Variants in ULK4 observed in about 807,000 individuals in gnomAD.
ULK4 encodes the protein unc-51 like kinase 4, also known as inactive serine/threonine-protein kinase ULK4.
In ULK4, 133 loss-of-function variants were observed where a neutral mutation model predicts 160.6. The ratio of observed to expected loss-of-function variants is 0.83; its 90% CI spans 0.72 to 0.96. The LOEUF (loss-of-function observed/expected upper bound fraction) is 0.96. ULK4 is among the 40% of genes least tolerant of loss of function. The pLI, the probability that ULK4 is intolerant of heterozygous loss-of-function variation, is 0.00. For missense variants in ULK4, 1,580 were observed against 1,499.5 expected, an observed-to-expected ratio of 1.05 and a Z score of -0.89; for synonymous variants, 534 against 539.8, an observed-to-expected ratio of 0.99 and a Z score of 0.15.
At chr3:41,848,177 A>T (rs2042117595) in intron 17 of ULK4, among the ~76,000 whole-genome samples, 1 of 152,224 alleles carries the variant, frequency 6.6e-6, no homozygotes, top group Admixed American at 6.5e-5. Context: ...GTTAAGGCCT[A>T]AATGTAAACA....
chr3:41,549,295 T>C (rs1308500848), intron 32 of ULK4, among the ~76,000 whole-genome samples: 2 of 150,224 alleles, frequency 1.3e-5, no homozygotes, highest in Non-Finnish European at 1.5e-5. Context: ...ACAAAACAAA[T>C]AGAAAAACAA....
At chr3:41,847,259 C>G (rs1424779822) in intron 17 of ULK4, among the ~76,000 whole-genome samples, 2 of 152,110 alleles carry the variant, frequency 1.3e-5, no homozygotes, top group Admixed American at 1.3e-4. Flanking sequence ...GAAGCTAATT[C>G]TAATAAATGT....
At chr3:41,338,037 A>C (rs1345496383) in intron 35 of ULK4, among the ~76,000 whole-genome samples, 7 of 152,206 alleles carry the variant, frequency 4.6e-5, no homozygotes, top group African/African-American at 1.7e-4. Flanking sequence ...GGAACAAAGC[A>C]ATTTCTTTGC....
chr3:41,688,677 A>T (rs772675729), intron 27 of ULK4, among the ~76,000 whole-genome samples: 4 of 152,184 alleles, frequency 2.6e-5, no homozygotes, highest in Non-Finnish European at 5.9e-5. Context: ...TCGAGTTTCA[A>T]ATAAAACCGT....
chr3:41,620,628 C>A (rs757478041), intron 30 of ULK4, among the ~76,000 whole-genome samples: 1 of 151,916 alleles, frequency 6.6e-6, no homozygotes, highest in Non-Finnish European at 1.5e-5. Flanking sequence ...AAATAATAAG[C>A]GCTATGTATG....
At position 41,644,126 on chromosome 3, in the gene ULK4, T is replaced by A. The variant is rs143443897; in HGVS notation, c.3071+19481A>T. On this transcript the variant is annotated intron_variant, in intron 30 of 36. Coordinates refer to ENST00000301831, the MANE Select transcript of ULK4 (RefSeq NM_017886.4). The stretch of plus-strand genomic sequence containing the variant: ...ATGGGGCTTTCTAGATACACAATCA[T>A]GTCGTCTGCAAACAGGGACAATTTG... Among the ~76,000 whole-genome samples the A allele has an allele frequency of 5.1e-3, 781 of 152,330 alleles. 5 individuals are homozygous for A. Among genetic ancestry groups the A allele is most frequent in the African/African-American group, 0.018 (751 of 41,556 alleles).
rs1716671 is a variant in ULK4 at position 41,869,774 on chromosome 3, A to C, written c.1656+14100T>G. ...CCTTAATAGATTTAACAAGTTATGA[A>C]AAATTGTTTATTTTCCAACATATTT... On this transcript the variant is annotated intron_variant, in intron 17 of 36. Coordinates refer to ENST00000301831, the MANE Select transcript of ULK4 (RefSeq NM_017886.4). 2.2e-4 allele frequency among the ~76,000 whole-genome samples: 34 copies of C among 152,214 alleles called. No individual in the cohort carries two copies. In the East Asian group the frequency reaches 6.6e-3, roughly 29 times the overall value.
chr3:41,540,243 G>A (rs1282478577), intron 32 of ULK4, among the ~76,000 whole-genome samples: 2 of 151,590 alleles, frequency 1.3e-5, no homozygotes, highest in Non-Finnish European at 2.9e-5. Flanking sequence ...AGTGTGTGAT[G>A]CGTTCGCATT....
intron 30 of ULK4, among the ~76,000 whole-genome samples, chr3:41,616,148 T>G (rs2032950437): frequency 6.6e-6 from 1 of 152,230 alleles, no homozygotes; most frequent in Admixed American, 6.5e-5. Flanking sequence ...TGACGAATTT[T>G]AATGATCTTT....
At chr3:41,511,733 C>T (rs1183040003) in intron 32 of ULK4, among the ~76,000 whole-genome samples, 1 of 152,112 alleles carries the variant, frequency 6.6e-6, no homozygotes, top group East Asian at 1.9e-4. Flanking sequence ...CTGGTACCAA[C>T]CCTAGTGACA....
Position 41,721,254 on chromosome 3 carries a change from A to T in ULK4, c.2322-3393T>A, listed in dbSNP as rs1260065919. Among the ~76,000 whole-genome samples, 41 of 40,600 alleles carry T rather than the reference A, an allele frequency of 1.0e-3. 1 individual carries two copies. The highest frequency in any genetic ancestry group is 8.3e-3 in the East Asian group (8 of 966). The allele number at this position is 40,600 out of a possible 152,430, so 26.6% of individuals were successfully genotyped here. On this transcript the variant is annotated intron_variant, in intron 22 of 36. Transcript: ENST00000301831. ...AGCAGATGAGAAATTTTTCGCTTTG[A>T]ATTTTTTTTTTTTTTTTTTTTTTTT...
chr3:41,448,500 G>A (rs961646511), intron 34 of ULK4, among the ~76,000 whole-genome samples: 2 of 152,208 alleles, frequency 1.3e-5, no homozygotes, highest in Non-Finnish European at 2.9e-5. Flanking sequence ...TTGTAAGCCT[G>A]TTCAGAAGTT....
At chr3:41,740,327 GA>G (rs902339005) in intron 22 of ULK4, among the ~76,000 whole-genome samples, 6 of 150,918 alleles carry the variant, frequency 4.0e-5, no homozygotes, top group Admixed American at 6.6e-5. Context: ...TATGGGGAAG[GA>G]AAAAAAACTC....
intron 30 of ULK4, among the ~76,000 whole-genome samples, chr3:41,657,103 T>C (rs2034963292): frequency 2.0e-5 from 3 of 152,114 alleles, no homozygotes; most frequent in Admixed American, 2.0e-4. Context: ...ATACACTCAA[T>C]AATAAACTAG....
rs67078043 is a variant in ULK4 at position 41,721,279 on chromosome 3, T to TTTTTTTTTTTGG, written c.2322-3419_2322-3418insCCAAAAAAAAAA. ...AATTTTTTTTTTTTTTTTTTTTTTT[T>TTTTTTTTTTTGG]TTTTTGGGTTTTGAACCATGAGTAT... On this transcript the variant is annotated intron_variant, in intron 22 of 36. Transcript: ENST00000301831. Among the ~76,000 whole-genome samples the TTTTTTTTTTTGG allele has an allele frequency of 5.2e-4, 51 of 98,914 alleles. 4 individuals carry two copies. Among genetic ancestry groups the TTTTTTTTTTTGG allele is most frequent in the African/African-American group, 1.3e-3 (29 of 22,888 alleles). 64.9% of individuals were successfully genotyped at this position (98,914 alleles called of 152,430 possible).
rs768636632 is a variant in ULK4 at position 41,715,270 on chromosome 3, T to C, written c.2601A>G (p.Thr867=). 1.9e-6 allele frequency: 3 copies of C among 1,613,738 alleles called. No homozygotes were observed. In the East Asian group the frequency reaches 6.7e-5, roughly 36 times the overall value. Residue 867 remains threonine, a synonymous_variant, in exon 25 of 37, where the codon ACA becomes ACG. Transcript: ENST00000301831. ...TSQVFRPQVV[T]EEFLFSYGTI... ...TTCCATAGCTGAAAAGAAACTCTTC[T>C]GTCACAACTTGAGGTCGAAATACCT...
At chr3:41,420,491 T>TTTTTTTTTTTC (rs2082639027) in intron 34 of ULK4, among the ~76,000 whole-genome samples, 1 of 127,974 alleles carries the variant, frequency 7.8e-6, no homozygotes, top group Non-Finnish European at 1.6e-5. Flanking sequence ...TTTTTTTTTT[T>TTTTTTTTTTTC]TTTTTTTTTG....
intron 18 of ULK4, among the ~76,000 whole-genome samples, chr3:41,829,084 G>T (rs531364372): frequency 1.6e-4 from 24 of 151,216 alleles, no homozygotes; most frequent in Non-Finnish European, 1.6e-4. Context: ...GGGAAAACTG[G>T]CTAGCCATAT....
At chr3:41,609,678 A>C (rs1240259388) in intron 31 of ULK4, among the ~76,000 whole-genome samples, 1 of 152,220 alleles carries the variant, frequency 6.6e-6, no homozygotes, top group Non-Finnish European at 1.5e-5. Context: ...TTTTAATCAT[A>C]TCTTGTTCTC....
Sources: allele counts gnomAD v4.1 joint callset (sites outside exome capture counted in the v4.1 genomes callset), GRCh38; gene constraint gnomAD v4.1.1; transcripts MANE v1.5; gene names NCBI Gene and HGNC (gene_info 2026-07-23, HGNC 2026-07-21).